PARD3: variants seen among roughly 807,000 people sequenced by gnomAD.
The protein encoded by PARD3 is partitioning defective 3 homolog.
PARD3 carries 75 observed loss-of-function variants against 155.4 expected under a neutral mutation model. The observed-to-expected ratio is 0.48, with a 90% CI of 0.40 to 0.58. The LOEUF (loss-of-function observed/expected upper bound fraction) is 0.58, where lower values mean the gene tolerates loss of function less well. Ranked by LOEUF, PARD3 falls within the 20% of genes least tolerant of loss-of-function variation. The pLI is 0.00. For missense variants in PARD3, 1,642 were observed against 1,721.7 expected, an observed-to-expected ratio of 0.95 and a Z score of 0.82; for synonymous variants, 576 against 610.5, an observed-to-expected ratio of 0.94 and a Z score of 0.83.
intron 1 of PARD3, among the ~76,000 whole-genome samples, chr10:34,787,816 T>C (rs915000085): frequency 2.0e-5 from 3 of 151,744 alleles, no homozygotes; most frequent in Non-Finnish European, 4.4e-5. Context: ...TGTCACTCTG[T>C]TGCCCAGGCT....
At chr10:34,328,354 G>T (rs1564590586) in intron 19 of PARD3, among the ~76,000 whole-genome samples, 1 of 152,112 alleles carries the variant, frequency 6.6e-6, no homozygotes, top group East Asian at 1.9e-4. Flanking sequence ...AAAGGTGAGG[G>T]GGTTAGCGTG....
intron 1 of PARD3, among the ~76,000 whole-genome samples, chr10:34,702,471 G>A (rs2094296647): frequency 6.6e-6 from 1 of 152,204 alleles, no homozygotes; most frequent in Non-Finnish European, 1.5e-5. Context: ...TGCTTCCAGA[G>A]AGCACAGTGA....
At chr10:34,626,842 A>C (rs771441886) in intron 2 of PARD3, among the ~76,000 whole-genome samples, 1 of 152,050 alleles carries the variant, frequency 6.6e-6, no homozygotes, top group Non-Finnish European at 1.5e-5. Flanking sequence ...GTGCACATCC[A>C]AAGTGAAATG....
intron 1 of PARD3, among the ~76,000 whole-genome samples, chr10:34,799,792 A>G (rs1842673481): frequency 6.6e-6 from 1 of 150,928 alleles, no homozygotes; most frequent in Non-Finnish European, 1.5e-5. Context: ...GGAGTTGAAG[A>G]TCAGCTTGTG....
intron 1 of PARD3, among the ~76,000 whole-genome samples, chr10:34,748,402 G>A (rs1206571173): frequency 3.3e-5 from 5 of 152,154 alleles, no homozygotes; most frequent in Admixed American, 1.3e-4. Context: ...CCCGGGAGGC[G>A]GAGGTTGCAG....
chr10:34,514,073 G>A (rs2081561473), intron 3 of PARD3, among the ~76,000 whole-genome samples: 1 of 152,120 alleles, frequency 6.6e-6, no homozygotes, highest in South Asian at 2.1e-4. Context: ...TTCCATCTAT[G>A]AAAACCATCT....
rs571722870 is a variant in PARD3, at chr10:34,145,031, A to G, written c.3420-13448T>C. 8.6e-5 allele frequency among the ~76,000 whole-genome samples: 13 copies of G among 151,902 alleles called. No homozygotes were observed. The East Asian group carries it at 1.9e-3, about 23-fold the overall frequency. On this transcript the variant is annotated intron_variant, in intron 22 of 24. Transcript: ENST00000374788. ...CTTTAAATGTATGTATTCTATCATT[A>G]CCACTCACTGACAGTTTGGCTAGGT...
chr10:34,549,003 G>T (rs2084327451), intron 2 of PARD3, among the ~76,000 whole-genome samples: 1 of 152,238 alleles, frequency 6.6e-6, no homozygotes, highest in Non-Finnish European at 1.5e-5. Flanking sequence ...GTGGGCTGCA[G>T]CAGGAGAACA....
At chr10:34,203,284 A>C (rs572533372) in intron 22 of PARD3, among the ~76,000 whole-genome samples, 2 of 152,268 alleles carry the variant, frequency 1.3e-5, no homozygotes, top group East Asian at 3.9e-4. Flanking sequence ...TGGATTAATC[A>C]CCCATAGCTC....
chr10:34,243,940 C>G (rs1172139750), intron 22 of PARD3, among the ~76,000 whole-genome samples: 1 of 152,132 alleles, frequency 6.6e-6, no homozygotes, highest in African/African-American at 2.4e-5. Context: ...CACAACAACC[C>G]TACAAGATAG....
At position 34,384,143 on chromosome 10, in the gene PARD3, A is replaced by G. The variant is rs1388644567; in HGVS notation, c.1002T>C (p.Asn334=). Residue 334 remains asparagine (N), a synonymous_variant, in exon 8 of 25, where the codon AAT becomes AAC. Coordinates refer to ENST00000374788, the MANE Select transcript of PARD3 (RefSeq NM_001184785.2). ...IVRINDGDLR[N]RRFEQAQHMF... ...CACACACTTACTGTTCAAATCTTCTATTTCGAAGGTCGCCATCATTAATCC... is the reference window on the plus strand; with the variant it reads ...CACACACTTACTGTTCAAATCTTCTGTTTCGAAGGTCGCCATCATTAATCC... The G allele has an allele frequency of 1.5e-5, 24 of 1,613,814 alleles. No homozygotes were observed. Among genetic ancestry groups the G allele is most frequent in the Non-Finnish European group, 1.9e-5 (23 of 1,179,940 alleles).
chr10:34,284,092 G>T, intron 21 of PARD3, 43 bp downstream of exon 21: 10 of 985,448 alleles, frequency 1.0e-5, no homozygotes, highest in Non-Finnish European at 1.5e-5. Flanking sequence ...AAAAAAAAAA[G>T]AACCTCTTTC....
chr10:34,372,420 T>C (rs892291663), intron 12 of PARD3, 78 bp downstream of exon 12: 1 of 1,089,174 alleles, frequency 9.2e-7, no homozygotes. Context: ...GACAAGTAAC[T>C]TCGTATTAAA....
chr10:34,797,311 T>G (rs1284797687), intron 1 of PARD3, among the ~76,000 whole-genome samples: 1 of 152,178 alleles, frequency 6.6e-6, no homozygotes, highest in East Asian at 1.9e-4. Context: ...CCATCCCGCC[T>G]GGCTAATTTA....
intron 2 of PARD3, among the ~76,000 whole-genome samples, chr10:34,600,110 G>A (rs557911112): frequency 2.0e-5 from 3 of 151,882 alleles, no homozygotes; most frequent in Admixed American, 6.6e-5. Context: ...CGAGGCAGGT[G>A]GATGGCTTGA....
chr10:34,495,960 T>A lies in PARD3; in HGVS notation c.403+21019A>T, dbSNP rs141839289. On this transcript the variant is annotated intron_variant, in intron 3 of 24. Transcript: ENST00000374788. ...GCTCATGCCTGTAATACCAGCACTT[T>A]GGGAAGCTAAGGTGGGTGGATCACT... Among the ~76,000 whole-genome samples the A allele has an allele frequency of 6.6e-4, 100 of 152,184 alleles. 1 individual carries two copies. The South Asian group carries it at 7.3e-3, about 11-fold the overall frequency.
intron 2 of PARD3, among the ~76,000 whole-genome samples, chr10:34,524,569 T>G (rs1225964120): frequency 6.6e-6 from 1 of 152,130 alleles, no homozygotes; most frequent in African/African-American, 2.4e-5. Context: ...CAAACCACAA[T>G]GAAAATATGC....
intron 1 of PARD3, among the ~76,000 whole-genome samples, chr10:34,746,719 T>C (rs753469170): frequency 2.0e-4 from 30 of 152,212 alleles, no homozygotes; most frequent in African/African-American, 6.0e-4. Context: ...CAATTTCCTT[T>C]CTGTGTTAAG....
intron 6 of PARD3, among the ~76,000 whole-genome samples, chr10:34,401,596 T>C (rs1843888941): frequency 6.6e-6 from 1 of 152,192 alleles, no homozygotes; most frequent in African/African-American, 2.4e-5. Flanking sequence ...CAATAGTATT[T>C]GCCAGGGCAT....
Sources: gnomAD v4.1 joint callset for allele counts (sites outside exome capture counted in the v4.1 genomes callset) on GRCh38, gnomAD v4.1.1 for gene constraint, MANE v1.5 for transcripts, NCBI Gene and HGNC (gene_info 2026-07-23, HGNC 2026-07-21) for gene names.